The following TESMIN variants were observed in gnomAD, a reference collection of about 807,000 sequenced individuals.
TESMIN encodes the protein CXC domain containing 2.
A neutral mutation model predicts 47.4 loss-of-function variants in TESMIN; 34 were observed. The ratio of observed to expected loss-of-function variants is 0.72; its 90% CI spans 0.55 to 0.96. The LOEUF is 0.96. Ranked by LOEUF, TESMIN falls within the 40% of genes least tolerant of loss-of-function variation. The pLI, the probability that TESMIN is intolerant of heterozygous loss-of-function variation, is 0.00. For synonymous variants in TESMIN, 278 were observed against 258.9 expected, an observed-to-expected ratio of 1.07 and a Z score of -0.71; for missense variants, 610 against 637.2, an observed-to-expected ratio of 0.96 and a Z score of 0.46.
At chr11:68,706,022 C>CA (rs11306603), downstream of TESMIN, among the ~76,000 whole-genome samples, 6,373 of 84,078 alleles carry the variant, frequency 0.076, 275 homozygotes, top group Middle Eastern at 0.15. Flanking sequence ...GACTCCGTCT[C>CA]AAAAAAAAAA....
chr11:68,709,298 GA>G (rs1301442924), intron 9 of TESMIN, among the ~76,000 whole-genome samples: 1 of 152,204 alleles, frequency 6.6e-6, no homozygotes, highest in Non-Finnish European at 1.5e-5. Context: ...AGGGCACGGG[GA>G]CAAGCCGAGC....
At chr11:68,745,579 CCTCT>C (rs527759951) in intron 3 of TESMIN, among the ~76,000 whole-genome samples, 2 of 152,256 alleles carry the variant, frequency 1.3e-5, no homozygotes, top group South Asian at 2.1e-4. Context: ...CACTTAAAAT[CCTCT>C]CTAATTTTAC....
At chr11:68,730,577 C>A (rs1247917658) in intron 6 of TESMIN, among the ~76,000 whole-genome samples, 1 of 152,104 alleles carries the variant, frequency 6.6e-6, no homozygotes, top group East Asian at 1.9e-4. Context: ...GGCAGATCAC[C>A]TGAGGTCAGG....
rs1362961718 is a variant in TESMIN, at chr11:68,745,087, T to C, written c.655A>G (p.Thr219Ala). Residue 219 changes from threonine (T) to alanine (A), a missense_variant, in exon 4 of 10, where the codon ACA (threonine) becomes GCA (alanine). Physicochemically the swap from Thr to Ala is moderately conservative, Grantham distance 58. Transcript: ENST00000255087. ...GAATTGTCTATACATAGCATTTGTG[T>C]GCCCCCTTTCAATTGGCATATCACC... ...PMVICQLKGG[T>A]QMLCIDNSRT... The C allele has an allele frequency of 3.8e-6, 6 of 1,581,672 alleles. No individual in the cohort carries two copies. Among genetic ancestry groups the C allele is most frequent in the South Asian group, 2.4e-5 (2 of 83,380 alleles).
rs998787124 is a variant in TESMIN, at chr11:68,750,636, C to T, written c.25G>A (p.Gly9Arg). 1 of 1,569,196 alleles carries T rather than the reference C, an allele frequency of 6.4e-7. No homozygotes were observed. Among genetic ancestry groups the T allele is most frequent in the African/African-American group, 1.4e-5 (1 of 72,606 alleles). Reference sequence around the variant, plus strand: ...ATCGCATCCTCGGGGCTGGGCAGCCCGCCCGGCAGAGGGCCCTCCTCCATG... The same window carrying T: ...ATCGCATCCTCGGGGCTGGGCAGCCTGCCCGGCAGAGGGCCCTCCTCCATG... MEEGPLPG[G>R]LPSPEDAMVT... The change falls in exon 2 of 10, where the codon GGG becomes AGG. Residue 9 changes from glycine to arginine, a missense_variant. Coordinates refer to ENST00000255087, the MANE Select transcript of TESMIN (RefSeq NM_004923.3).
At chr11:68,739,562 G>T (rs1336965743) in intron 5 of TESMIN, among the ~76,000 whole-genome samples, 1 of 152,170 alleles carries the variant, frequency 6.6e-6, no homozygotes. Flanking sequence ...GCTTTAAGAA[G>T]TATAGTCTTA....
In TESMIN at chr11:68,744,973, T is replaced by A. The variant is rs748818142; in HGVS notation, c.751+18A>T. 6.6e-6 allele frequency: 10 copies of A among 1,520,752 alleles called. No homozygotes were observed. In the Admixed American group the frequency reaches 7.3e-5, roughly 11 times the overall value. The allele number at this position is 1,520,752 out of a possible 1,614,324, so 94.2% of individuals were successfully genotyped here. ...CTTACATATATGACATAGTTTTTTT[T>A]ATTAATTAACTTTGTACCTGACTGT... is the stretch of plus-strand genomic sequence containing the variant. On this transcript the variant is annotated intron_variant, in intron 4 of 9. Transcript: ENST00000255087.
At chr11:68,732,406 C>T (rs4930243) in intron 6 of TESMIN, among the ~76,000 whole-genome samples, 76,913 of 152,050 alleles carry the variant, frequency 0.51, 20,693 homozygotes, top group East Asian at 0.75. Flanking sequence ...ATTTTGTCCC[C>T]AGTTACAGTC....
rs536497892 is a variant in TESMIN, at chr11:68,750,180, C to A, written c.471+10G>T. On this transcript the variant is annotated intron_variant, in intron 2 of 9. Transcript: ENST00000255087. Reference sequence around the variant, plus strand: ...GGGGGAGCTGTGCCCATTCCCCAGGCGGTTCTTACTGGGATCATGCGGACG... The same window carrying A: ...GGGGGAGCTGTGCCCATTCCCCAGGAGGTTCTTACTGGGATCATGCGGACG... 7 of 1,463,042 alleles carry A rather than the reference C, an allele frequency of 4.8e-6. No individual in the cohort carries two copies. Among genetic ancestry groups the A allele is most frequent in the African/African-American group, 2.9e-5 (2 of 68,172 alleles). 90.6% of individuals were successfully genotyped at this position (1,463,042 alleles called of 1,614,324 possible).
chr11:68,727,943 G>A (rs1946284432), intron 6 of TESMIN, among the ~76,000 whole-genome samples: 1 of 152,202 alleles, frequency 6.6e-6, no homozygotes, highest in Non-Finnish European at 1.5e-5. Context: ...CACGAGCCAT[G>A]TCCATGTAAG....
In TESMIN at chr11:68,708,005, G is replaced by A. The variant is rs1300112662; in HGVS notation, c.*303C>T. On this transcript the variant is annotated 3_prime_UTR_variant, in exon 10 of 10. Transcript: ENST00000255087. ...CCTGCCCCGCTCTGCCCTTCGCAGG[G>A]CCTGCTGTGCCCTCCCCTGCCCTGC... 3 of 447,500 alleles carry A rather than the reference G, an allele frequency of 6.7e-6. No individual in the cohort carries two copies. The highest frequency in any genetic ancestry group is 3.1e-5 in the Admixed American group (1 of 32,478). 27.7% of individuals were successfully genotyped at this position (447,500 alleles called of 1,614,324 possible).
Position 68,711,841 on chromosome 11 carries a change from G to T in TESMIN, c.1159-792C>A, listed in dbSNP as rs148864417. ...CTTTTCCTGGCAATGTGATGCTGAGGGGGCCGGCATGTCCCATCTGTACCC... is the reference window on the plus strand; with the variant it reads ...CTTTTCCTGGCAATGTGATGCTGAGTGGGCCGGCATGTCCCATCTGTACCC... On this transcript the variant is annotated intron_variant, in intron 8 of 9. Coordinates refer to ENST00000255087, the MANE Select transcript of TESMIN (RefSeq NM_004923.3). 7.2e-4 allele frequency among the ~76,000 whole-genome samples: 110 copies of T among 152,310 alleles called. No individual in the cohort carries two copies. The Middle Eastern group carries it at 0.01, about 14-fold the overall frequency.
chr11:68,713,129 A>C, intron 8 of TESMIN, 141 bp downstream of exon 8: 1 of 819,216 alleles, frequency 1.2e-6, no homozygotes, highest in Non-Finnish European at 1.8e-6. Context: ...AGATTGATGT[A>C]AGTGTCCTTC....
intron 6 of TESMIN, among the ~76,000 whole-genome samples, chr11:68,722,895 C>T (rs1293922714): frequency 6.6e-6 from 1 of 152,098 alleles, no homozygotes; most frequent in African/African-American, 2.4e-5. Flanking sequence ...GACCTTCATG[C>T]TATAGATCTG....
intron 6 of TESMIN, chr11:68,736,688 T>C (rs1179629295): frequency 1.1e-5 from 11 of 981,888 alleles, no homozygotes; most frequent in Non-Finnish European, 2.4e-6. Context: ...AAATATTTTG[T>C]AACATTCAAA....
rs1363208654 is a variant in TESMIN, at chr11:68,708,000, G to T, written c.*308C>A. 1.4e-5 allele frequency: 6 copies of T among 441,018 alleles called. No homozygotes were observed. Among genetic ancestry groups the T allele is most frequent in the Non-Finnish European group, 2.6e-5 (6 of 229,516 alleles). The allele number at this position is 441,018 out of a possible 1,614,324, so 27.3% of individuals were successfully genotyped here. A position where few individuals can be genotyped will look rare whatever the true frequency, so the allele number is the denominator to read the frequency against. ...CCTCCCCTGCCCCGCTCTGCCCTTC[G>T]CAGGGCCTGCTGTGCCCTCCCCTGC... On this transcript the variant is annotated 3_prime_UTR_variant, in exon 10 of 10. Coordinates refer to ENST00000255087, the MANE Select transcript of TESMIN (RefSeq NM_004923.3).
Position 68,708,265 on chromosome 11 carries a change from T to G in TESMIN, c.*43A>C. ...TAAACATCCTTTCTAAACTAGAGAT[T>G]TCTAGACTAAGACAAAATCAACATG... On this transcript the variant is annotated 3_prime_UTR_variant, in exon 10 of 10. Coordinates refer to ENST00000255087, the MANE Select transcript of TESMIN (RefSeq NM_004923.3). The G allele has an allele frequency of 1.3e-6, 2 of 1,518,304 alleles. No individual in the cohort carries two copies. The highest frequency in any genetic ancestry group is 1.8e-6 in the Non-Finnish European group (2 of 1,125,484). The allele number at this position is 1,518,304 out of a possible 1,614,324, so 94.1% of individuals were successfully genotyped here.
At chr11:68,738,201 T>A in intron 6 of TESMIN, 1 of 987,352 alleles carries the variant, frequency 1.0e-6, no homozygotes, top group South Asian at 4.7e-5. Context: ...GTGCAGCCTA[T>A]GTCCACCTGG....
chr11:68,740,741 A>T (rs1946446199), intron 5 of TESMIN, among the ~76,000 whole-genome samples: 1 of 151,850 alleles, frequency 6.6e-6, no homozygotes, highest in African/African-American at 2.4e-5. Flanking sequence ...TTCAATTTAC[A>T]CTCACTTCCT....
Sources: allele counts gnomAD v4.1 joint callset (sites outside exome capture counted in the v4.1 genomes callset), GRCh38; gene constraint gnomAD v4.1.1; transcripts MANE v1.5; gene names NCBI Gene and HGNC (gene_info 2026-07-23, HGNC 2026-07-21).